ZBTB8OS: variants seen among roughly 807,000 people sequenced by gnomAD.
ZBTB8OS encodes tRNA-splicing ligase-activating factor archease.
Under a neutral mutation model 29.3 loss-of-function variants are expected in ZBTB8OS, and 16 were observed. That is an observed-to-expected ratio of 0.55 (90% CI 0.37 to 0.83). The LOEUF (loss-of-function observed/expected upper bound fraction) is 0.83, where lower values mean the gene tolerates loss of function less well. ZBTB8OS is among the 40% of genes least tolerant of loss of function. The pLI is 0.00. For missense variants in ZBTB8OS, 160 were observed against 196.9 expected (o/e 0.81, Z 1.12); for synonymous variants, 70 against 64.6 (o/e 1.08, Z -0.40).
At chr1:32,649,252 G>GC (rs1464369645) in intron 1 of ZBTB8OS, among the ~76,000 whole-genome samples, 1 of 152,060 alleles carries the variant, frequency 6.6e-6, no homozygotes, top group Non-Finnish European at 1.5e-5. Flanking sequence ...ATAAGTGTGA[G>GC]CCACCGCAAA....
In ZBTB8OS at chr1:32,620,925, T is replaced by C. The variant is rs1359817355; in HGVS notation, c.*937A>G. ...TCTCTTTGTAAGGCATAGTATTGAC[T>C]TTTTCTTATGAGAAAACAGGAAATA... On this transcript the variant is annotated 3_prime_UTR_variant, in exon 7 of 7. Transcript: ENST00000468695. 6.6e-6 allele frequency: 1 copy of C among 152,220 alleles called. No individual in the cohort carries two copies. Among genetic ancestry groups the C allele is most frequent in the African/African-American group, 2.4e-5 (1 of 41,456 alleles). 9.4% of individuals were successfully genotyped at this position (152,220 alleles called of 1,614,324 possible). A position where few individuals can be genotyped will look rare whatever the true frequency, so the allele number is the denominator to read the frequency against.
intron 5 of ZBTB8OS, among the ~76,000 whole-genome samples, chr1:32,629,963 G>A (rs1207373387): frequency 6.6e-6 from 1 of 151,960 alleles, no homozygotes; most frequent in African/African-American, 2.4e-5. Context: ...ATGTTGGCTA[G>A]GATGGTCTCA....
intron 1 of ZBTB8OS, among the ~76,000 whole-genome samples, chr1:32,641,512 A>C (rs1218531451): frequency 1.3e-5 from 2 of 149,276 alleles, no homozygotes; most frequent in Non-Finnish European, 3.0e-5. Flanking sequence ...ATCTCAGGTG[A>C]TCCACCGCCT....
rs1362592314 is a variant in ZBTB8OS, at chr1:32,631,896, A to T, written c.328-17T>A. On this transcript the variant is annotated splice_polypyrimidine_tract_variant and intron_variant, in intron 4 of 6. Coordinates refer to ENST00000468695, the MANE Select transcript of ZBTB8OS (RefSeq NM_178547.5). ...TTTCACTTCCTAGACAGGAAGAAAA[A>T]TTTTTTAATTAAAAAAAGTTCATAA... The T allele has an allele frequency of 6.8e-7, 1 of 1,461,906 alleles. No homozygotes were observed. The highest frequency in any genetic ancestry group is 9.2e-7 in the Non-Finnish European group (1 of 1,091,042). The allele number at this position is 1,461,906 out of a possible 1,614,324, so 90.6% of individuals were successfully genotyped here.
chr1:32,645,642 G>A (rs992691207), intron 1 of ZBTB8OS, among the ~76,000 whole-genome samples: 1 of 152,114 alleles, frequency 6.6e-6, no homozygotes, highest in African/African-American at 2.4e-5. Context: ...AAAAGATAGA[G>A]CCCAGCCTTA....
chr1:32,632,838 G>A (rs779644767), intron 4 of ZBTB8OS, among the ~76,000 whole-genome samples: 1 of 152,144 alleles, frequency 6.6e-6, no homozygotes, highest in Admixed American at 6.6e-5. Flanking sequence ...TTTAACGCTG[G>A]GGGAAAACAG....
chr1:32,631,860 A>G lies in ZBTB8OS; in HGVS notation c.347T>C (p.Ile116Thr), dbSNP rs1357731590. Reference protein sequence around the residue: ...FIPREVKVLSIDQRNFKLRSI... With the variant: ...FIPREVKVLSTDQRNFKLRSI... ...TCGTAATTTGAAATTTCTTTGATCAATGCTAAGTACTTTCACTTCCTAGAC... is the reference window on the plus strand; with the variant it reads ...TCGTAATTTGAAATTTCTTTGATCAGTGCTAAGTACTTTCACTTCCTAGAC... The change falls in exon 5 of 7, where the codon ATT becomes ACT. Residue 116 changes from isoleucine (I) to threonine (T), a missense_variant. Coordinates refer to ENST00000468695, the MANE Select transcript of ZBTB8OS (RefSeq NM_178547.5). The G allele has an allele frequency of 1.3e-6, 2 of 1,592,492 alleles. No homozygotes were observed. The highest frequency in any genetic ancestry group is 1.7e-6 in the Non-Finnish European group (2 of 1,169,706).
At chr1:32,633,898 C>T (rs1645754930) in intron 3 of ZBTB8OS, 53 bp downstream of exon 3, 1 of 1,516,892 alleles carries the variant, frequency 6.6e-7, no homozygotes, top group South Asian at 1.4e-5. Context: ...GAATACTGCA[C>T]AATTCTATAC....
chr1:32,634,713 C>T (rs1645821694), intron 2 of ZBTB8OS, 55 bp downstream of exon 2: 2 of 1,609,450 alleles, frequency 1.2e-6, no homozygotes, highest in Non-Finnish European at 8.5e-7. Flanking sequence ...AAGATTGAAA[C>T]ATTCAGTCTT....
chr1:32,639,270 C>T (rs1034466555), intron 1 of ZBTB8OS, among the ~76,000 whole-genome samples: 1 of 150,420 alleles, frequency 6.6e-6, no homozygotes. Flanking sequence ...TGCACTCCAG[C>T]CTGGGCAACA....
At chr1:32,638,601 T>A (rs1646171064) in intron 1 of ZBTB8OS, among the ~76,000 whole-genome samples, 1 of 152,142 alleles carries the variant, frequency 6.6e-6, no homozygotes, top group African/African-American at 2.4e-5. Flanking sequence ...GATTTTTAAA[T>A]ACGTATTAAT....
intron 1 of ZBTB8OS, among the ~76,000 whole-genome samples, chr1:32,643,237 AT>A (rs1439970863): frequency 2.7e-5 from 4 of 148,752 alleles, no homozygotes; most frequent in Non-Finnish European, 5.9e-5. Flanking sequence ...CGCATGGCTA[AT>A]TTTTTGTATT....
intron 1 of ZBTB8OS, among the ~76,000 whole-genome samples, chr1:32,647,914 T>C (rs991079828): frequency 6.6e-6 from 1 of 152,096 alleles, no homozygotes; most frequent in African/African-American, 2.4e-5. Context: ...ACAACCCCCG[T>C]TGGTGGAAAA....
At chr1:32,628,134 C>T (rs71646389) in intron 5 of ZBTB8OS, among the ~76,000 whole-genome samples, 6,719 of 150,918 alleles carry the variant, frequency 0.045, 210 homozygotes, top group Middle Eastern at 0.18. Context: ...CATCTGAGGT[C>T]GGCAGTTGAG....
rs1403257162 is a variant in ZBTB8OS, at chr1:32,621,849, A to G, written c.*13T>C. 1 of 1,561,216 alleles carries G rather than the reference A, an allele frequency of 6.4e-7. No homozygotes were observed. The highest frequency in any genetic ancestry group is 8.6e-7 in the Non-Finnish European group (1 of 1,156,262). On this transcript the variant is annotated 3_prime_UTR_variant, in exon 7 of 7. Coordinates refer to ENST00000468695, the MANE Select transcript of ZBTB8OS (RefSeq NM_178547.5). ...AAACAGTTCTTCGTAGGAGTCTTTTATTTTTTGGTGTCTTAAATGTCAATG... is the reference window on the plus strand; with the variant it reads ...AAACAGTTCTTCGTAGGAGTCTTTTGTTTTTTGGTGTCTTAAATGTCAATG...
intron 1 of ZBTB8OS, 37 bp downstream of exon 1, chr1:32,650,396 G>A: frequency 6.2e-7 from 1 of 1,613,312 alleles, no homozygotes; most frequent in Non-Finnish European, 8.5e-7. Flanking sequence ...ATGCCTGTGT[G>A]CTTACATGTA....
At chr1:32,650,649 T>C (rs1647412239), upstream of ZBTB8OS, 3 of 1,564,320 alleles carry the variant, frequency 1.9e-6, no homozygotes, top group Non-Finnish European at 2.6e-6. Context: ...CACTCCTTTC[T>C]CGGAGTTGGC....
chr1:32,648,548 G>A (rs559956467), intron 1 of ZBTB8OS, among the ~76,000 whole-genome samples: 9 of 152,304 alleles, frequency 5.9e-5, no homozygotes, highest in South Asian at 2.1e-4. Flanking sequence ...AAAAGGTAAC[G>A]ATGACTGCTC....
rs565015512 is a variant in ZBTB8OS, at chr1:32,637,202, C to A, written c.98-2410G>T. Among the ~76,000 whole-genome samples the A allele has an allele frequency of 6.4e-4, 98 of 152,188 alleles. 2 individuals are homozygous for A. Among genetic ancestry groups the A allele is most frequent in the African/African-American group, 2.2e-3 (92 of 41,470 alleles). On this transcript the variant is annotated intron_variant, in intron 1 of 6. Transcript: ENST00000468695. The stretch of plus-strand genomic sequence containing the variant: ...TTCCCACAGTAGTTATTAAATAAAA[C>A]CTGTTTTCACTGCTCTGAGTAACGT...
Sources: allele counts gnomAD v4.1 joint callset (sites outside exome capture counted in the v4.1 genomes callset), GRCh38; gene constraint gnomAD v4.1.1; transcripts MANE v1.5; gene names NCBI Gene and HGNC (gene_info 2026-07-23, HGNC 2026-07-21).